Variants in TMED3 observed in about 807,000 individuals in gnomAD.
TMED3 encodes transmembrane emp24 domain-containing protein 3.
Under a neutral mutation model 15.0 loss-of-function variants are expected in TMED3, and 9 were observed. The ratio of observed to expected loss-of-function variants is 0.60; its 90% CI spans 0.36 to 1.04. The LOEUF is 1.04. Among genes scored for constraint, TMED3 ranks in the 50% least tolerant of loss-of-function variants. The pLI is 0.01. For missense variants in TMED3, 267 were observed against 278.9 expected, an observed-to-expected ratio of 0.96 and a Z score of 0.30; for synonymous variants, 117 against 121.4, an observed-to-expected ratio of 0.96 and a Z score of 0.24.
At chr15:79,353,762 T>A (rs1430474238) in intron 2 of TMED3, among the ~76,000 whole-genome samples, 1 of 150,004 alleles carries the variant, frequency 6.7e-6, no homozygotes, top group Non-Finnish European at 1.5e-5. Context: ...TATTGTGTTA[T>A]TAAAAAAAAC....
intron 2 of TMED3, among the ~76,000 whole-genome samples, chr15:79,369,430 C>A (rs1056995987): frequency 1.3e-5 from 2 of 152,186 alleles, no homozygotes; most frequent in African/African-American, 4.8e-5. Context: ...GGCTTCCTCC[C>A]CTGCTTTTTA....
chr15:79,349,757 A>G (rs1392858509), intron 2 of TMED3, among the ~76,000 whole-genome samples: 1 of 151,922 alleles, frequency 6.6e-6, no homozygotes, highest in African/African-American at 2.4e-5. Context: ...AACAAGCCGC[A>G]CTCATCCTTC....
chr15:79,316,324 C>T (rs2058740380), intron 2 of TMED3, among the ~76,000 whole-genome samples: 1 of 152,218 alleles, frequency 6.6e-6, no homozygotes, highest in Admixed American at 6.5e-5. Context: ...TTCAGGAAAG[C>T]CAAGCTCGAG....
At chr15:79,389,392 TTG>T (rs1190777094) in intron 2 of TMED3, among the ~76,000 whole-genome samples, 1 of 152,130 alleles carries the variant, frequency 6.6e-6, no homozygotes, top group Non-Finnish European at 1.5e-5. Context: ...CGAAGATCAG[TTG>T]TCTGTAAGTA....
chr15:79,368,122 A>C (rs971030868), intron 2 of TMED3, among the ~76,000 whole-genome samples: 9 of 152,200 alleles, frequency 5.9e-5, no homozygotes, highest in African/African-American at 4.8e-5. Context: ...TAGGAGAACC[A>C]AACATGTGAT....
chr15:79,358,227 G>T (rs1249005432), intron 2 of TMED3, among the ~76,000 whole-genome samples: 1 of 152,188 alleles, frequency 6.6e-6, no homozygotes, highest in Non-Finnish European at 1.5e-5. Flanking sequence ...ATTTTCTGGG[G>T]GCCTGCTGTC....
chr15:79,315,705 C>T (rs1284104192), intron 2 of TMED3, among the ~76,000 whole-genome samples: 2 of 152,220 alleles, frequency 1.3e-5, no homozygotes, highest in African/African-American at 2.4e-5. Flanking sequence ...TTTGCTCCTG[C>T]TTAGCCTCAA....
At chr15:79,375,879 G>A (rs1048122794) in intron 2 of TMED3, among the ~76,000 whole-genome samples, 3 of 152,156 alleles carry the variant, frequency 2.0e-5, no homozygotes, top group Non-Finnish European at 2.9e-5. Context: ...GCCTTTCAGA[G>A]AAGGAAGGTG....
intron 2 of TMED3, among the ~76,000 whole-genome samples, chr15:79,329,408 G>C (rs762372369): frequency 1.1e-4 from 16 of 152,254 alleles, no homozygotes; most frequent in Non-Finnish European, 2.2e-4. Flanking sequence ...CAGACATCCT[G>C]GCCAGAGTGA....
chr15:79,332,015 T>G (rs1484061895), intron 2 of TMED3, among the ~76,000 whole-genome samples: 2 of 152,182 alleles, frequency 1.3e-5, no homozygotes, highest in Non-Finnish European at 2.9e-5. Context: ...ATTGTACCAC[T>G]GCACTCCAGC....
Position 79,313,741 on chromosome 15 carries a change from T to C in TMED3, c.169-16T>C. On this transcript the variant is annotated splice_polypyrimidine_tract_variant and intron_variant, in intron 1 of 2. Transcript: ENST00000299705. ...GGTTGCTCCTTTGATAACAGCAATT[T>C]TTTTATGGTTGTCAGGTCATCACTG... is the stretch of plus-strand genomic sequence containing the variant. 1 of 1,605,578 alleles carries C rather than the reference T, an allele frequency of 6.2e-7. No homozygotes were observed. The highest frequency in any genetic ancestry group is 8.5e-7 in the Non-Finnish European group (1 of 1,173,640).
Position 79,322,327 on chromosome 15 carries a change from G to C in TMED3, c.*113G>C. On this transcript the variant is annotated 3_prime_UTR_variant, in exon 3 of 3. Coordinates refer to ENST00000299705, the MANE Select transcript of TMED3 (RefSeq NM_007364.4). ...AGGGTGGAGGCAGAACGATGCTGCT[G>C]TGGTAGCCCTTTGCCTTTCATGCCC... is the stretch of plus-strand genomic sequence containing the variant. 1 of 1,504,684 alleles carries C rather than the reference G, an allele frequency of 6.6e-7. No individual in the cohort carries two copies. The highest frequency in any genetic ancestry group is 8.8e-7 in the Non-Finnish European group (1 of 1,130,594). 93.2% of individuals were successfully genotyped at this position (1,504,684 alleles called of 1,614,324 possible).
intron 2 of TMED3, among the ~76,000 whole-genome samples, chr15:79,352,078 GA>G (rs1236225884): frequency 1.3e-5 from 2 of 150,744 alleles, no homozygotes; most frequent in Admixed American, 6.6e-5. Flanking sequence ...GAAAGAGTAG[GA>G]GGGGGGTGAG....
At chr15:79,386,934 C>CTT (rs372149513) in intron 2 of TMED3, among the ~76,000 whole-genome samples, 17,242 of 137,278 alleles carry the variant, frequency 0.13, 1,225 homozygotes, top group East Asian at 0.19. Flanking sequence ...ATCTTTTAAT[C>CTT]TTTTTTTTTT....
chr15:79,341,377 A>G (rs757118227), intron 2 of TMED3, among the ~76,000 whole-genome samples: 25 of 152,048 alleles, frequency 1.6e-4, no homozygotes, highest in Non-Finnish European at 2.9e-4. Flanking sequence ...GAATAGGTAT[A>G]TGTAAAGATG....
intron 2 of TMED3, chr15:79,383,032 T>C (rs1265455138): frequency 6.5e-7 from 1 of 1,535,406 alleles, no homozygotes; most frequent in South Asian, 1.2e-5. Context: ...CCATCTGGGA[T>C]CTACCTGTTC....
At chr15:79,313,730 T>C in intron 1 of TMED3, 27 bp from the exon 2 acceptor site, 1 of 1,603,090 alleles carries the variant, frequency 6.2e-7, no homozygotes, top group South Asian at 1.1e-5. Context: ...GCTCCTTTGA[T>C]AACAGCAATT....
intron 2 of TMED3, among the ~76,000 whole-genome samples, chr15:79,382,510 G>A (rs193112403): frequency 6.1e-4 from 93 of 152,312 alleles, no homozygotes; most frequent in African/African-American, 2.1e-3. Context: ...TGTTGCAAAG[G>A]GAGAGGTCAT....
intron 2 of TMED3, among the ~76,000 whole-genome samples, chr15:79,372,888 G>A (rs908391536): frequency 2.6e-5 from 4 of 152,156 alleles, no homozygotes; most frequent in African/African-American, 9.7e-5. Flanking sequence ...CCCGTAATGT[G>A]TTCCTGTCTT....
Sources: gnomAD v4.1 joint callset for allele counts (sites outside exome capture counted in the v4.1 genomes callset) on GRCh38, gnomAD v4.1.1 for gene constraint, MANE v1.5 for transcripts, NCBI Gene and HGNC (gene_info 2026-07-23, HGNC 2026-07-21) for gene names.